DHX37: variants seen among roughly 807,000 people sequenced by gnomAD.
DHX37 encodes DEAH-box helicase 37.
In DHX37, 52 loss-of-function variants were observed where a neutral mutation model predicts 134.3. The ratio of observed to expected loss-of-function variants is 0.39; its 90% CI spans 0.31 to 0.49. The LOEUF is 0.49. DHX37 is among the 20% of genes least tolerant of loss of function. The probability of loss-of-function intolerance (pLI) is 0.93; values close to 1 mark genes in which losing one functional copy is unlikely to be tolerated. For missense variants in DHX37, 1,344 were observed against 1,580.8 expected, an observed-to-expected ratio of 0.85 and a Z score of 2.54; for synonymous variants, 634 against 670.7, an observed-to-expected ratio of 0.95 and a Z score of 0.85.
chr12:124,974,314 C>T (rs1333114383), intron 6 of DHX37, among the ~76,000 whole-genome samples: 1 of 151,870 alleles, frequency 6.6e-6, no homozygotes, highest in East Asian at 1.9e-4. Context: ...GCAGCTTTTC[C>T]TAGACGCATG....
intron 16 of DHX37, among the ~76,000 whole-genome samples, chr12:124,957,917 G>A (rs555742574): frequency 2.2e-4 from 34 of 152,348 alleles, no homozygotes; most frequent in African/African-American, 7.7e-4. Context: ...ATTCAGCCGC[G>A]AATAGGAGTG....
At position 124,964,684 on chromosome 12, in the gene DHX37, A is replaced by T; in HGVS notation, c.1813-58T>A. 4 of 1,594,254 alleles carry T rather than the reference A, an allele frequency of 2.5e-6. No individual in the cohort carries two copies. In the East Asian group the frequency reaches 9.0e-5, roughly 36 times the overall value. ...CCAGAATCAGAAAAGAAATCGTGGA[A>T]TGGAGGCTCAAGGACAAAGCCAGCC... is the stretch of plus-strand genomic sequence containing the variant. On this transcript the variant is annotated intron_variant, in intron 14 of 26. Coordinates refer to ENST00000308736, the MANE Select transcript of DHX37 (RefSeq NM_032656.4).
chr12:124,974,711 G>A (rs1429929333), intron 6 of DHX37, among the ~76,000 whole-genome samples: 2 of 151,986 alleles, frequency 1.3e-5, no homozygotes, highest in East Asian at 3.9e-4. Context: ...CCATTGTAAA[G>A]CAAGTGCTAT....
chr12:124,947,558 G>A lies in DHX37; in HGVS notation c.*244C>T, dbSNP rs1425889378. On this transcript the variant is annotated 3_prime_UTR_variant, in exon 27 of 27. Coordinates refer to ENST00000308736, the MANE Select transcript of DHX37 (RefSeq NM_032656.4). Reference sequence around the variant, plus strand: ...CTGAACAGAACAGCGTCCAGCACGTGAGATGAAATCATCATCCACCATATA... The same window carrying A: ...CTGAACAGAACAGCGTCCAGCACGTAAGATGAAATCATCATCCACCATATA... The A allele has an allele frequency of 4.8e-5, 24 of 503,444 alleles. No individual in the cohort carries two copies. In the East Asian group the frequency reaches 6.2e-4, roughly 13 times the overall value. The allele number at this position is 503,444 out of a possible 1,614,324, so 31.2% of individuals were successfully genotyped here.
Position 124,980,099 on chromosome 12 carries a change from A to G in DHX37, c.738+391T>C, listed in dbSNP as rs1174127541. Among the ~76,000 whole-genome samples, 1 of 152,234 alleles carries G rather than the reference A, an allele frequency of 6.6e-6. No individual in the cohort carries two copies. Among genetic ancestry groups the G allele is most frequent in the Non-Finnish European group, 1.5e-5 (1 of 68,038 alleles). ...CCCCTTCAGTAGCCGGAATATTCCC[A>G]TTTTACAGATGCGCGGGAAGTGAGC... On this transcript the variant is annotated intron_variant, in intron 4 of 26. Transcript: ENST00000308736. The surrounding 1 kb of genome is among the most constrained non-coding windows in gnomAD (Gnocchi z 5.3).
At chr12:124,979,262 G>C (rs1004218933) in intron 4 of DHX37, among the ~76,000 whole-genome samples, 1 of 152,172 alleles carries the variant, frequency 6.6e-6, no homozygotes, top group Non-Finnish European at 1.5e-5. Flanking sequence ...CAGGCTCTTT[G>C]GGAGGGTGAG....
chr12:124,964,329 CTTG>C, intron 15 of DHX37, 62 bp downstream of exon 15: 2 of 1,599,172 alleles, frequency 1.3e-6, no homozygotes, highest in Non-Finnish European at 1.7e-6. Context: ...GCATCCTTCC[CTTG>C]TTCCTCAGTG....
intron 18 of DHX37, among the ~76,000 whole-genome samples, chr12:124,956,027 T>C (rs951857153): frequency 2.0e-5 from 3 of 152,268 alleles, no homozygotes; most frequent in Non-Finnish European, 4.4e-5. Context: ...GTGTCTGCTC[T>C]GTCATCTGAC....
At chr12:124,961,222 ACGCACG>A (rs1279634614) in intron 15 of DHX37, among the ~76,000 whole-genome samples, 3 of 113,360 alleles carry the variant, frequency 2.6e-5, no homozygotes, top group African/African-American at 1.0e-4. Flanking sequence ...ACGCACGCAC[ACGCACG>A]CACACACACA....
At chr12:124,960,574 T>C in intron 15 of DHX37, 151 bp from the exon 16 acceptor site, 4 of 1,317,268 alleles carry the variant, frequency 3.0e-6, no homozygotes, top group Non-Finnish European at 4.1e-6. Context: ...CACGGTGCTT[T>C]ACCGCTTCCT....
At position 124,980,628 on chromosome 12, in the gene DHX37, C is replaced by T. The variant is rs552078609; in HGVS notation, c.600G>A (p.Pro200=). The T allele has an allele frequency of 1.3e-5, 21 of 1,607,966 alleles. No homozygotes were observed. The East Asian group carries it at 1.6e-4, about 12-fold the overall frequency. Residue 200 remains proline, a synonymous_variant, in exon 4 of 27, where the codon CCG becomes CCA. Coordinates refer to ENST00000308736, the MANE Select transcript of DHX37 (RefSeq NM_032656.4). This position sits in a 1 kb window ranked among gnomAD's most constrained non-coding sequence, Gnocchi z 5.3. The stretch of plus-strand genomic sequence containing the variant: ...GCTGACTGCTGGGTGCTGGAGCTGG[C>T]GGCAGAGGTGCCACGGTGGTCCCCA... ...AGVGTTVAPL[P]PAPAPSSQPV...
At chr12:124,972,378 C>T (rs1594499151) in intron 7 of DHX37, 125 bp downstream of exon 7, 3 of 952,526 alleles carry the variant, frequency 3.1e-6, no homozygotes, top group Admixed American at 3.5e-5. Flanking sequence ...CAAAGTCACA[C>T]AGCAGCACCG....
chr12:124,960,162 A>C, intron 16 of DHX37, 150 bp downstream of exon 16: 1 of 1,363,678 alleles, frequency 7.3e-7, no homozygotes, highest in Non-Finnish European at 9.9e-7. Flanking sequence ...ACAGGAGCCC[A>C]GAAGCCCTGG....
At chr12:124,950,895 A>G (rs1275625914) in intron 21 of DHX37, 91 bp from the exon 22 acceptor site, 13 of 1,426,718 alleles carry the variant, frequency 9.1e-6, no homozygotes, top group Middle Eastern at 2.4e-4. Flanking sequence ...CTGATTATCC[A>G]CTCCAGCCGC....
chr12:124,949,668 C>G lies in DHX37; in HGVS notation c.3290+318G>C. ...GAGGTCATCCTGGAGTAGGGTGGGC[C>G]CTGAATACAATGACTGGTGTCCTTA... On this transcript the variant is annotated intron_variant, in intron 25 of 26. Transcript: ENST00000308736. The surrounding 1 kb of genome is among the most constrained non-coding windows in gnomAD (Gnocchi z 4.0). Among the ~76,000 whole-genome samples, 1 of 151,960 alleles carries G rather than the reference C, an allele frequency of 6.6e-6. No individual in the cohort carries two copies. The highest frequency in any genetic ancestry group is 1.9e-4 in the East Asian group (1 of 5,198).
Position 124,971,235 on chromosome 12 carries a change from C to G in DHX37, c.1191+67G>C, listed in dbSNP as rs1020631583. ...CAACGGGGAACAGGTGAAGGAAGCC[C>G]AAGCCTCTGACAGAGCTGGGGGGGG... On this transcript the variant is annotated intron_variant, in intron 8 of 26. Coordinates refer to ENST00000308736, the MANE Select transcript of DHX37 (RefSeq NM_032656.4). 4 of 1,565,528 alleles carry G rather than the reference C, an allele frequency of 2.6e-6. No individual in the cohort carries two copies. In the African/African-American group the frequency reaches 4.1e-5, roughly 16 times the overall value.
intron 6 of DHX37, among the ~76,000 whole-genome samples, chr12:124,974,279 T>C (rs1235898510): frequency 1.2e-5 from 1 of 84,566 alleles, no homozygotes; most frequent in Non-Finnish European, 2.3e-5. Flanking sequence ...TTTTATAATA[T>C]TTAACAAGTT....
chr12:124,953,771 GC>G (rs1954023132), intron 20 of DHX37, 108 bp downstream of exon 20: 1 of 1,467,334 alleles, frequency 6.8e-7, no homozygotes, highest in Admixed American at 2.4e-5. Context: ...ACATTTTGGT[GC>G]GTAGCAAGTT....
At chr12:124,968,470 C>T (rs2135950388) in intron 10 of DHX37, 64 bp downstream of exon 10, 1 of 1,592,698 alleles carries the variant, frequency 6.3e-7, no homozygotes, top group South Asian at 1.1e-5. Context: ...CCCTCCCACA[C>T]TCGTGCTTTC....
Sources: gnomAD v4.1 joint callset for allele counts (sites outside exome capture counted in the v4.1 genomes callset) on GRCh38, gnomAD v4.1.1 for gene constraint, Gnocchi (gnomAD v3.1) non-coding constraint, MANE v1.5 for transcripts, NCBI Gene and HGNC (gene_info 2026-07-23, HGNC 2026-07-21) for gene names.